The following AAMP variants were observed in gnomAD, a reference collection of about 807,000 sequenced individuals.
AAMP encodes the protein angio associated migratory cell protein, also known as angio-associated migratory cell protein.
AAMP carries 12 observed loss-of-function variants against 51.1 expected under a neutral mutation model. The ratio of observed to expected loss-of-function variants is 0.23; its 90% CI spans 0.15 to 0.38. The LOEUF (loss-of-function observed/expected upper bound fraction) is 0.38, where lower values mean the gene tolerates loss of function less well. Ranked by LOEUF, AAMP falls within the 10% of genes least tolerant of loss-of-function variation. The pLI is 1.00. For synonymous variants in AAMP, 210 were observed against 218.7 expected (o/e 0.96, Z 0.35); for missense variants, 418 against 557.2 (o/e 0.75, Z 2.52).
rs750363698 is a variant in AAMP at position 218,265,844 on chromosome 2, G to A, written c.866C>T (p.Ala289Val). 114 of 1,612,802 alleles carry A rather than the reference G, an allele frequency of 7.1e-5. No individual in the cohort carries two copies. The highest frequency in any genetic ancestry group is 3.7e-4 in the Admixed American group (22 of 59,976). ...AGGTCCACTCACCTTGCCGGTGGTG[G>A]CACTGACCAGCTTGGCCTGGCAGTC... The part of the protein sequence containing the change: ...SVDCQAKLVS[A>V]TTGKVVGVFR... Residue 289 changes from alanine to valine, a missense_variant, in exon 7 of 11, where the codon GCC becomes GTC. Physicochemically the swap from Ala to Val is moderately conservative, Grantham distance 64 (BLOSUM62 0). Coordinates refer to ENST00000248450, the MANE Select transcript of AAMP (RefSeq NM_001087.5). The surrounding 1 kb of genome is among the most constrained non-coding windows in gnomAD (Gnocchi z 6.6).
chr2:218,269,893 C>A (rs1018718244), intron 1 of AAMP, 73 bp downstream of exon 1: 4 of 1,598,374 alleles, frequency 2.5e-6, no homozygotes, highest in African/African-American at 2.7e-5. Context: ...TGGAGGGGAG[C>A]GGGGAAAAGC....
chr2:218,269,695 G>A (rs1690740018), intron 1 of AAMP, 161 bp from the exon 2 acceptor site: 9 of 1,233,376 alleles, frequency 7.3e-6, no homozygotes, highest in Non-Finnish European at 1.0e-5. Flanking sequence ...CAGGACGGGA[G>A]GCCACGGCTG....
chr2:218,267,457 T>C lies in AAMP; in HGVS notation c.394+37A>G. 6.2e-7 allele frequency: 1 copy of C among 1,611,198 alleles called. No individual in the cohort carries two copies. The highest frequency in any genetic ancestry group is 8.5e-7 in the Non-Finnish European group (1 of 1,178,208). On this transcript the variant is annotated intron_variant, in intron 3 of 10. Transcript: ENST00000248450. The surrounding 1 kb of genome is among the most constrained non-coding windows in gnomAD (Gnocchi z 4.6). ...AGCCTCCTAAGATCTCCCAAAAGAA[T>C]ATGACCTCTCCCAGGCCTCTACCCC...
At position 218,266,720 on chromosome 2, in the gene AAMP, T is replaced by C. The variant is rs1690638504; in HGVS notation, c.534+127A>G. 1.9e-6 allele frequency: 3 copies of C among 1,554,170 alleles called. No individual in the cohort carries two copies. Among genetic ancestry groups the C allele is most frequent in the African/African-American group, 2.7e-5 (2 of 73,516 alleles). ...CTTTCCAGGTAGCAGGTAGATATTC[T>C]TCCTGTGCCTTGGGGCGCATTGGCT... On this transcript the variant is annotated intron_variant, in intron 4 of 10. Coordinates refer to ENST00000248450, the MANE Select transcript of AAMP (RefSeq NM_001087.5). The surrounding 1 kb of genome is among the most constrained non-coding windows in gnomAD (Gnocchi z 4.7).
Position 218,265,436 on chromosome 2 carries a change from G to A in AAMP, c.1009C>T (p.Leu337=), listed in dbSNP as rs1419953140. The change falls in exon 9 of 11, where the codon CTG becomes TTG. Residue 337 remains leucine (L), a synonymous_variant. Coordinates refer to ENST00000248450, the MANE Select transcript of AAMP (RefSeq NM_001087.5). The surrounding 1 kb of genome is among the most constrained non-coding windows in gnomAD (Gnocchi z 6.6). ...SVMPLAAVGY[L]DGTLAIYDLA... ...TCATAGATGGCCAAGGTCCCATCCAGGTAGCCAACAGCTGCCAGGGGCATC... is the reference window on the plus strand; with the variant it reads ...TCATAGATGGCCAAGGTCCCATCCAAGTAGCCAACAGCTGCCAGGGGCATC... 8.9e-6 allele frequency: 14 copies of A among 1,566,738 alleles called. No homozygotes were observed. Among genetic ancestry groups the A allele is most frequent in the Non-Finnish European group, 1.2e-5 (14 of 1,154,830 alleles).
Position 218,269,506 on chromosome 2 carries a change from C to T in AAMP, c.150G>A (p.Val50=). 1 of 1,614,214 alleles carries T rather than the reference C, an allele frequency of 6.2e-7. No individual in the cohort carries two copies. The highest frequency in any genetic ancestry group is 1.7e-5 in the Admixed American group (1 of 60,026). Residue 50 remains valine (V), a synonymous_variant, in exon 2 of 11, where the codon GTG becomes GTA. Transcript: ENST00000248450. The part of the protein sequence containing the change: ...PDDLAQEMED[V]DFEEEEEEEG... ...CTTCCTCCTCTTCTTCCTCAAAGTC[C>T]ACATCTTCCATCTCCTGGGCCAGGT...
rs201964649 is a variant in AAMP, at chr2:218,265,605, C to A, written c.957G>T (p.Ser319=). 9 of 1,613,830 alleles carry A rather than the reference C, an allele frequency of 5.6e-6. No homozygotes were observed. Among genetic ancestry groups the A allele is most frequent in the Non-Finnish European group, 7.6e-6 (9 of 1,180,026 alleles). Reference sequence around the variant, plus strand: ...CACTGCAGAAGCCCAAGGACTCCACCGAGTTGGACTCACTCTCCTCCCCTT... The same window carrying A: ...CACTGCAGAAGCCCAAGGACTCCACAGAGTTGGACTCACTCTCCTCCCCTT... The part of the protein sequence containing the change: ...LGEGEESESN[S]VESLGFCSVM... Residue 319 remains serine (S), a synonymous_variant, in exon 8 of 11, where the codon TCG becomes TCT. Coordinates refer to ENST00000248450, the MANE Select transcript of AAMP (RefSeq NM_001087.5). The surrounding 1 kb of genome is among the most constrained non-coding windows in gnomAD (Gnocchi z 6.6).
chr2:218,269,885 G>A, intron 1 of AAMP, 81 bp downstream of exon 1: 12 of 1,591,194 alleles, frequency 7.5e-6, no homozygotes, highest in Non-Finnish European at 1.0e-5. Context: ...GTCGGGTGTG[G>A]AGGGGAGCGG....
chr2:218,265,125 G>A lies in AAMP; in HGVS notation c.1124C>T (p.Thr375Ile), dbSNP rs1301367807. Reference protein sequence around the residue: ...LWEAGTAVVYTCSLDGIVRLW... With the variant: ...LWEAGTAVVYICSLDGIVRLW... ...GCGCACGATGCCATCCAGGCTGCAG[G>A]TATATACCACGGCAGTGCCTGCCTC... The change falls in exon 10 of 11, where the codon ACC (threonine) becomes ATC (isoleucine). Residue 375 changes from threonine (T) to isoleucine (I), a missense_variant. Coordinates refer to ENST00000248450, the MANE Select transcript of AAMP (RefSeq NM_001087.5). The surrounding 1 kb of genome is among the most constrained non-coding windows in gnomAD (Gnocchi z 6.6). 1 of 1,609,318 alleles carries A rather than the reference G, an allele frequency of 6.2e-7. No homozygotes were observed. Among genetic ancestry groups the A allele is most frequent in the Non-Finnish European group, 8.5e-7 (1 of 1,177,698 alleles).
rs763594720 is a variant in AAMP at position 218,266,138 on chromosome 2, G to A, written c.689C>T (p.Ala230Val). The stretch of plus-strand genomic sequence containing the variant: ...GGTCCCATCTTCATAGCCTACCACA[G>A]CTCTCTTCCCTGAAGAGAGGCACAG... The part of the protein sequence containing the change: ...CGRVLPDGKR[A>V]VVGYEDGTIR... The change falls in exon 6 of 11, where the codon GCT (alanine) becomes GTT (valine). Residue 230 changes from alanine (A) to valine (V), a missense_variant. Transcript: ENST00000248450. This position sits in a 1 kb window ranked among gnomAD's most constrained non-coding sequence, Gnocchi z 4.7. 1.2e-6 allele frequency: 2 copies of A among 1,614,058 alleles called. No individual in the cohort carries two copies. The highest frequency in any genetic ancestry group is 2.2e-5 in the East Asian group (1 of 44,874).
At position 218,266,913 on chromosome 2, in the gene AAMP, G is replaced by A; in HGVS notation, c.468C>T (p.Gly156=). The A allele has an allele frequency of 6.2e-7, 1 of 1,614,190 alleles. No individual in the cohort carries two copies. The highest frequency in any genetic ancestry group is 8.5e-7 in the Non-Finnish European group (1 of 1,180,022). The change falls in exon 4 of 11, where the codon GGC becomes GGT. Residue 156 remains glycine, a synonymous_variant. Coordinates refer to ENST00000248450, the MANE Select transcript of AAMP (RefSeq NM_001087.5). The surrounding 1 kb of genome is among the most constrained non-coding windows in gnomAD (Gnocchi z 4.7). ...STLVATGDMS[G]LLKVWQVDTK... ...TGTCCACCTGCCACACTTTCAAGAG[G>A]CCACTCATGTCCCCTGTGGCCACTA...
Position 218,266,258 on chromosome 2 carries a change from A to G in AAMP, c.680-111T>C. The G allele has an allele frequency of 7.6e-7, 1 of 1,312,460 alleles. No individual in the cohort carries two copies. Among genetic ancestry groups the G allele is most frequent in the Non-Finnish European group, 1.1e-6 (1 of 925,110 alleles). The allele number at this position is 1,312,460 out of a possible 1,614,324, so 81.3% of individuals were successfully genotyped here. Reference sequence around the variant, plus strand: ...AGTGGAAGGGCCCAGACACTGCCCCAGGAATCACAGGTGAGTTCAGAGCAG... The same window carrying G: ...AGTGGAAGGGCCCAGACACTGCCCCGGGAATCACAGGTGAGTTCAGAGCAG... On this transcript the variant is annotated intron_variant, in intron 5 of 10. Transcript: ENST00000248450. This position sits in a 1 kb window ranked among gnomAD's most constrained non-coding sequence, Gnocchi z 4.7.
rs1574611207 is a variant in AAMP, at chr2:218,267,920, C to T, written c.275-307G>A. On this transcript the variant is annotated intron_variant, in intron 2 of 10. Transcript: ENST00000248450. This position sits in a 1 kb window ranked among gnomAD's most constrained non-coding sequence, Gnocchi z 4.6. Reference sequence around the variant, plus strand: ...TACAGTTGTCAGCATGGGATGCCACCGGGGTTGGGTACAGAGCGAGGAGAG... The same window carrying T: ...TACAGTTGTCAGCATGGGATGCCACTGGGGTTGGGTACAGAGCGAGGAGAG... Among the ~76,000 whole-genome samples, 1 of 152,210 alleles carries T rather than the reference C, an allele frequency of 6.6e-6. No individual in the cohort carries two copies. Among genetic ancestry groups the T allele is most frequent in the East Asian group, 1.9e-4 (1 of 5,176 alleles).
chr2:218,268,063 G>T (rs1690677565), intron 2 of AAMP, among the ~76,000 whole-genome samples: 1 of 151,992 alleles, frequency 6.6e-6, no homozygotes, highest in Admixed American at 6.6e-5. Context: ...CCACCTCCCA[G>T]GTTCAAGCAA....
Position 218,267,097 on chromosome 2 carries a change from G to A in AAMP, c.395-111C>T, listed in dbSNP as rs1574610680. The A allele has an allele frequency of 7.7e-7, 1 of 1,298,402 alleles. No homozygotes were observed. The highest frequency in any genetic ancestry group is 1.4e-5 in the South Asian group (1 of 73,620). 80.4% of individuals were successfully genotyped at this position (1,298,402 alleles called of 1,614,324 possible). Reference sequence around the variant, plus strand: ...AAAGGACCAGCTAGGAAAAAAAGAGGGGCGGGACTGAGCAGAACAGGTGCT... The same window carrying A: ...AAAGGACCAGCTAGGAAAAAAAGAGAGGCGGGACTGAGCAGAACAGGTGCT... On this transcript the variant is annotated intron_variant, in intron 3 of 10. Coordinates refer to ENST00000248450, the MANE Select transcript of AAMP (RefSeq NM_001087.5). The surrounding 1 kb of genome is among the most constrained non-coding windows in gnomAD (Gnocchi z 4.6).
chr2:218,268,573 C>T (rs1288269391), intron 2 of AAMP, among the ~76,000 whole-genome samples: 9 of 149,784 alleles, frequency 6.0e-5, no homozygotes, highest in African/African-American at 2.2e-4. Flanking sequence ...AACTCCCGAC[C>T]TCAGGTGATC....
At position 218,267,933 on chromosome 2, in the gene AAMP, A is replaced by C. The variant is rs913596602; in HGVS notation, c.275-320T>G. Reference sequence around the variant, plus strand: ...ATGGGATGCCACCGGGGTTGGGTACAGAGCGAGGAGAGCATCACGTTAAGG... The same window carrying C: ...ATGGGATGCCACCGGGGTTGGGTACCGAGCGAGGAGAGCATCACGTTAAGG... On this transcript the variant is annotated intron_variant, in intron 2 of 10. Transcript: ENST00000248450. The surrounding 1 kb of genome is among the most constrained non-coding windows in gnomAD (Gnocchi z 4.6). Among the ~76,000 whole-genome samples the C allele has an allele frequency of 1.4e-4, 21 of 152,172 alleles. No homozygotes were observed. The highest frequency in any genetic ancestry group is 4.8e-4 in the African/African-American group (20 of 41,432).
At chr2:218,269,752 G>A in intron 1 of AAMP, 2 of 983,362 alleles carry the variant, frequency 2.0e-6, no homozygotes, top group Non-Finnish European at 3.0e-6. Context: ...GATGGGAAGG[G>A]GGTGTGTGAG....
At chr2:218,268,694 CTTTTT>C (rs150733595) in intron 2 of AAMP, among the ~76,000 whole-genome samples, 2 of 109,444 alleles carry the variant, frequency 1.8e-5, no homozygotes, top group Non-Finnish European at 1.9e-5. Context: ...TCAAAGATAA[CTTTTT>C]TTTTTTTTTT....
Sources: allele counts gnomAD v4.1 joint callset (sites outside exome capture counted in the v4.1 genomes callset), GRCh38; gene constraint gnomAD v4.1.1; non-coding constraint Gnocchi (gnomAD v3.1); transcripts MANE v1.5; gene names NCBI Gene and HGNC (gene_info 2026-07-23, HGNC 2026-07-21).